GRB10: variants seen among roughly 807,000 people sequenced by gnomAD.
GRB10 encodes the protein growth factor receptor bound protein 10.
Under a neutral mutation model 80.9 loss-of-function variants are expected in GRB10, and 20 were observed. The observed-to-expected ratio is 0.25, with a 90% CI of 0.17 to 0.36. GRB10 has a LOEUF of 0.36. Among genes scored for constraint, GRB10 ranks in the 10% least tolerant of loss-of-function variants. The pLI, the probability that GRB10 is intolerant of heterozygous loss-of-function variation, is 1.00. For synonymous variants in GRB10, 291 were observed against 291.5 expected (o/e 1.00, Z 0.02); for missense variants, 548 against 747.7 (o/e 0.73, Z 3.12).
intron 4 of GRB10, chr7:50,705,064 T>C: frequency 8.5e-6 from 7 of 823,314 alleles, no homozygotes; most frequent in Non-Finnish European, 1.0e-5. Flanking sequence ...CAGCAAGCAG[T>C]TTCTCTGCCC....
chr7:50,727,519 T>C (rs2068844306), intron 4 of GRB10, among the ~76,000 whole-genome samples: 1 of 152,268 alleles, frequency 6.6e-6, no homozygotes, highest in Non-Finnish European at 1.5e-5. Context: ...ACTGATTCTG[T>C]TAGTTACAGA....
intron 4 of GRB10, among the ~76,000 whole-genome samples, chr7:50,723,719 T>G (rs2153686665): frequency 6.6e-6 from 1 of 152,326 alleles, no homozygotes; most frequent in Non-Finnish European, 1.5e-5. Context: ...ACTGTCAGCC[T>G]CACACGCCTG....
chr7:50,636,034 G>A (rs1352374541), intron 7 of GRB10, among the ~76,000 whole-genome samples: 3 of 132,442 alleles, frequency 2.3e-5, no homozygotes, highest in Non-Finnish European at 4.6e-5. Flanking sequence ...GTGCAGTGCA[G>A]TGGTGCAATC....
At chr7:50,633,644 A>C (rs1364752498) in intron 7 of GRB10, among the ~76,000 whole-genome samples, 1 of 152,198 alleles carries the variant, frequency 6.6e-6, no homozygotes, top group Non-Finnish European at 1.5e-5. Context: ...TTGAAAACCA[A>C]CACAAAAAAA....
intron 8 of GRB10, among the ~76,000 whole-genome samples, chr7:50,622,162 C>G (rs948742849): frequency 6.6e-6 from 1 of 152,212 alleles, no homozygotes. Flanking sequence ...ACAGAGTAAT[C>G]AGTGAGATAG....
At chr7:50,599,541 G>A (rs1012291096) in intron 17 of GRB10, among the ~76,000 whole-genome samples, 2 of 152,222 alleles carry the variant, frequency 1.3e-5, no homozygotes, top group African/African-American at 4.8e-5. Flanking sequence ...GCATTTCTGT[G>A]TGTGGTTAGC....
intron 8 of GRB10, among the ~76,000 whole-genome samples, chr7:50,623,530 G>A (rs926988699): frequency 6.6e-5 from 10 of 152,324 alleles, no homozygotes; most frequent in Non-Finnish European, 1.5e-4. Context: ...CTACTCTGCC[G>A]AGTGACAGCA....
intron 7 of GRB10, among the ~76,000 whole-genome samples, chr7:50,632,290 A>T (rs75051045): frequency 0.01 from 1,567 of 152,026 alleles, 31 homozygotes; most frequent in African/African-American, 0.034. Context: ...AAACCTACTT[A>T]AAAAAAATGT....
intron 5 of GRB10, among the ~76,000 whole-genome samples, chr7:50,681,655 C>A (rs2061551993): frequency 6.6e-6 from 1 of 152,232 alleles, no homozygotes; most frequent in Non-Finnish European, 1.5e-5. Flanking sequence ...GCACACGGAG[C>A]CTGCCATGAA....
chr7:50,688,743 G>A (rs1433759571), intron 5 of GRB10, among the ~76,000 whole-genome samples: 5 of 151,532 alleles, frequency 3.3e-5, no homozygotes, highest in African/African-American at 1.2e-4. Context: ...ATGGCCAGAA[G>A]GTGCAGAGGC....
intron 4 of GRB10, among the ~76,000 whole-genome samples, chr7:50,712,088 A>G (rs553446114): frequency 6.6e-6 from 1 of 152,140 alleles, no homozygotes; most frequent in Non-Finnish European, 1.5e-5. Context: ...ACAAGGCTGA[A>G]AAAGGCTGAA....
intron 6 of GRB10, among the ~76,000 whole-genome samples, chr7:50,670,789 C>T (rs58198279): frequency 0.09 from 13,620 of 152,158 alleles, 790 homozygotes; most frequent in South Asian, 0.12. Flanking sequence ...TGGATGGTTA[C>T]TTATATAAAA....
chr7:50,738,133 T>G (rs1164348284), intron 3 of GRB10, among the ~76,000 whole-genome samples: 1 of 152,224 alleles, frequency 6.6e-6, no homozygotes, highest in African/African-American at 2.4e-5. Context: ...GGTGAGGATG[T>G]GGAGAAACTG....
intron 17 of GRB10, among the ~76,000 whole-genome samples, chr7:50,603,376 T>C (rs534867442): frequency 1.3e-5 from 2 of 152,348 alleles, no homozygotes; most frequent in East Asian, 3.9e-4. Context: ...TACGAGAATC[T>C]TGAGAAGTCT....
chr7:50,653,201 T>G (rs2058194751), intron 7 of GRB10, among the ~76,000 whole-genome samples: 1 of 152,156 alleles, frequency 6.6e-6, no homozygotes, highest in Non-Finnish European at 1.5e-5. Flanking sequence ...TCCTAGGCAC[T>G]GTCAGCCCTA....
At chr7:50,639,295 C>T (rs1166589121) in intron 7 of GRB10, among the ~76,000 whole-genome samples, 1 of 152,150 alleles carries the variant, frequency 6.6e-6, no homozygotes, top group Non-Finnish European at 1.5e-5. Context: ...TTCAAGTTTG[C>T]AGTGAAAATT....
At chr7:50,618,021 A>C in intron 10 of GRB10, 50 bp downstream of exon 10, 2 of 1,389,576 alleles carry the variant, frequency 1.4e-6, no homozygotes, top group Non-Finnish European at 2.1e-6. Flanking sequence ...TTCCAAGAGG[A>C]TTTCTATTCA....
Position 50,606,524 on chromosome 7 carries a change from G to GC in GRB10, c.1195-111dup, listed in dbSNP as rs2048559450. ...TGTTGAGTGCGGAACAGGGAGTGAT[G>GC]CCCTGTACCAGCCTCCAGGAGCCTG... is the stretch of plus-strand genomic sequence containing the variant. On this transcript the variant is annotated intron_variant, in intron 13 of 18. Coordinates refer to ENST00000401949, the MANE Select transcript of GRB10 (RefSeq NM_001350814.2). The GC allele has an allele frequency of 7.6e-6, 6 of 791,388 alleles. No individual in the cohort carries two copies. The South Asian group carries it at 8.3e-5, about 11-fold the overall frequency. 49.0% of individuals were successfully genotyped at this position (791,388 alleles called of 1,614,324 possible).
At chr7:50,762,185 C>A (rs569784018) in intron 2 of GRB10, among the ~76,000 whole-genome samples, 61 of 151,874 alleles carry the variant, frequency 4.0e-4, no homozygotes, top group African/African-American at 1.3e-3. Flanking sequence ...AGTAAGATTG[C>A]GATCCCAGAG....
Sources: allele counts gnomAD v4.1 joint callset (sites outside exome capture counted in the v4.1 genomes callset), GRCh38; gene constraint gnomAD v4.1.1; transcripts MANE v1.5; gene names NCBI Gene and HGNC (gene_info 2026-07-23, HGNC 2026-07-21).